SP3: variants seen among roughly 807,000 people sequenced by gnomAD.
The protein encoded by SP3 is transcription factor Sp3.
In SP3, 10 loss-of-function variants were observed where a neutral mutation model predicts 70.3. The observed-to-expected ratio is 0.14, with a 90% CI of 0.09 to 0.24. SP3 has a LOEUF of 0.24. Among genes scored for constraint, SP3 ranks in the 10% least tolerant of loss-of-function variants. The probability of loss-of-function intolerance (pLI) is 1.00; values close to 1 mark genes in which losing one functional copy is unlikely to be tolerated. For missense variants in SP3, 825 were observed against 914.6 expected, an observed-to-expected ratio of 0.90 and a Z score of 1.26; for synonymous variants, 402 against 333.5, an observed-to-expected ratio of 1.21 and a Z score of -2.24.
At chr2:173,926,809 T>C (rs573877699) in intron 4 of SP3, among the ~76,000 whole-genome samples, 2 of 152,324 alleles carry the variant, frequency 1.3e-5, no homozygotes, top group South Asian at 4.1e-4. Flanking sequence ...CTTAAAATAT[T>C]CTAAAAAAAA....
At chr2:173,943,728 T>TA (rs1378953809) in intron 4 of SP3, among the ~76,000 whole-genome samples, 1 of 152,242 alleles carries the variant, frequency 6.6e-6, no homozygotes. Context: ...AAGAGGGACT[T>TA]AGTCTTTTTC....
chr2:173,939,764 C>CATAAAAAAAAAAAAAAAAAAAAAAAAA (rs1690308927), intron 4 of SP3, among the ~76,000 whole-genome samples: 1 of 70,194 alleles, frequency 1.4e-5, no homozygotes, highest in Non-Finnish European at 2.5e-5. Context: ...GACTCCAACT[C>CATAAAAAAAAAAAAAAAAAAAAAAAAA]AAAAAAAAAA....
intron 4 of SP3, among the ~76,000 whole-genome samples, chr2:173,934,776 G>C (rs1690166531): frequency 6.6e-6 from 1 of 151,906 alleles, no homozygotes; most frequent in Non-Finnish European, 1.5e-5. Context: ...TTACCTTCAA[G>C]GTCAAAAGCT....
chr2:173,908,187 A>G lies in SP3; in HGVS notation c.*1754T>C, dbSNP rs1689381630. 1 of 152,150 alleles carries G rather than the reference A, an allele frequency of 6.6e-6. No individual in the cohort carries two copies. The highest frequency in any genetic ancestry group is 1.5e-5 in the Non-Finnish European group (1 of 67,958). 9.4% of individuals were successfully genotyped at this position (152,150 alleles called of 1,614,324 possible). A position where few individuals can be genotyped will look rare whatever the true frequency, so the allele number is the denominator to read the frequency against. On this transcript the variant is annotated 3_prime_UTR_variant, in exon 7 of 7. Transcript: ENST00000310015. ...TTATCATTTTCAGGAGTCTTAATGTAAATTCAGGTTTTCGATAAATCAAAA... is the reference window on the plus strand; with the variant it reads ...TTATCATTTTCAGGAGTCTTAATGTGAATTCAGGTTTTCGATAAATCAAAA...
chr2:173,927,741 TTGTG>T (rs1689956042), intron 4 of SP3, among the ~76,000 whole-genome samples: 1 of 152,228 alleles, frequency 6.6e-6, no homozygotes, highest in South Asian at 2.1e-4. Context: ...TTTCAATTAT[TTGTG>T]TATCGCTTTA....
At position 173,923,866 on chromosome 2, in the gene SP3, A is replaced by G. The variant is rs80304063; in HGVS notation, c.1640-5081T>C. 6.1e-3 allele frequency among the ~76,000 whole-genome samples: 930 copies of G among 152,132 alleles called. 7 individuals are homozygous for G. The highest frequency in any genetic ancestry group is 0.02 in the African/African-American group (823 of 41,542). On this transcript the variant is annotated intron_variant, in intron 4 of 6. Transcript: ENST00000310015. ...AAAAATCATCTAACAGAACCACCGG[A>G]TAATCCTACAATATCTCATGTATTA... is the stretch of plus-strand genomic sequence containing the variant.
At chr2:173,948,475 C>T (rs993414038) in intron 4 of SP3, among the ~76,000 whole-genome samples, 1 of 152,102 alleles carries the variant, frequency 6.6e-6, no homozygotes, top group Non-Finnish European at 1.5e-5. Flanking sequence ...GTTTGGTACT[C>T]CCTGAGGTTT....
Position 173,901,373 on chromosome 2 carries a change from T to C in SP3, c.*8568A>G, listed in dbSNP as rs1014432956. Among the ~76,000 whole-genome samples the C allele has an allele frequency of 1.3e-5, 2 of 151,986 alleles. No homozygotes were observed. The highest frequency in any genetic ancestry group is 2.9e-5 in the Non-Finnish European group (2 of 68,002). On this transcript the variant is annotated 3_prime_UTR_variant, in exon 7 of 7. Transcript: ENST00000310015. Reference sequence around the variant, plus strand: ...AGCCTTAGACTGAGAAAAGATACTATCAGCCTATATATCTCTAAAATATAT... The same window carrying C: ...AGCCTTAGACTGAGAAAAGATACTACCAGCCTATATATCTCTAAAATATAT...
In SP3 at chr2:173,901,136, A is replaced by C. The variant is rs1346809744; in HGVS notation, c.*8805T>G. Among the ~76,000 whole-genome samples the C allele has an allele frequency of 6.6e-6, 1 of 152,204 alleles. No homozygotes were observed. The highest frequency in any genetic ancestry group is 1.5e-5 in the Non-Finnish European group (1 of 68,042). ...AAACTGCTAAGACAACTGATTATCC[A>C]TATGGAAAATAATGGACTTTATGCC... is the stretch of plus-strand genomic sequence containing the variant. On this transcript the variant is annotated 3_prime_UTR_variant, in exon 7 of 7. Coordinates refer to ENST00000310015, the MANE Select transcript of SP3 (RefSeq NM_003111.5).
At chr2:173,942,540 T>C (rs59492166) in intron 4 of SP3, among the ~76,000 whole-genome samples, 2,477 of 152,298 alleles carry the variant, frequency 0.016, 74 homozygotes, top group African/African-American at 0.057. Context: ...CACTCCAGTC[T>C]GGGTGACTGG....
At chr2:173,920,952 T>C (rs1347397069) in intron 4 of SP3, among the ~76,000 whole-genome samples, 1 of 152,286 alleles carries the variant, frequency 6.6e-6, no homozygotes, top group East Asian at 1.9e-4. Context: ...GAGTGGTGAC[T>C]GCCTACTTTT....
rs201774134 is a variant in SP3 at position 173,965,172 on chromosome 2, A to G, written c.-1T>C. The G allele has an allele frequency of 2.6e-6, 4 of 1,546,592 alleles. No homozygotes were observed. In the East Asian group the frequency reaches 7.4e-5, roughly 29 times the overall value. On this transcript the variant is annotated 5_prime_UTR_variant, in exon 1 of 7. Transcript: ENST00000310015. ...TCTCTCGGCTTTACGTACCGGTCAT[A>G]GTGTGTTTAGGGCACCTCAGGCGGG...
chr2:173,914,890 C>T (rs1394732647), intron 5 of SP3: 1 of 152,048 alleles, frequency 6.6e-6, no homozygotes, highest in Non-Finnish European at 1.5e-5. Flanking sequence ...CTAAGAAAAA[C>T]AGCAATGTTT....
chr2:173,918,756 G>C lies in SP3; in HGVS notation c.1669C>G (p.Pro557Ala), dbSNP rs891083393. Reference sequence around the variant, plus strand: ...TCACCACTGAGCTGCCACTCTTCAGGATCAGGTTCTTCTTCCTTGATCCTA... The same window carrying C: ...TCACCACTGAGCTGCCACTCTTCAGCATCAGGTTCTTCTTCCTTGATCCTA... ...DIRIKEEEPD[P>A]EEWQLSGDST... The change falls in exon 5 of 7, where the codon CCT becomes GCT. Residue 557 changes from proline to alanine, a missense_variant. Pro to Ala is a conservative substitution (Grantham distance 27). Transcript: ENST00000310015. The C allele has an allele frequency of 3.1e-6, 5 of 1,612,236 alleles. No individual in the cohort carries two copies. Among genetic ancestry groups the C allele is most frequent in the Non-Finnish European group, 4.2e-6 (5 of 1,179,144 alleles).
chr2:173,910,302 T>G (rs1461204113), intron 6 of SP3, 45 bp from the exon 7 acceptor site: 15 of 1,547,114 alleles, frequency 9.7e-6, no homozygotes, highest in Non-Finnish European at 1.3e-5. Context: ...AAATTCAACT[T>G]TAATAGCTCA....
At chr2:173,956,886 T>C (rs1336207289) in intron 3 of SP3, among the ~76,000 whole-genome samples, 2 of 152,196 alleles carry the variant, frequency 1.3e-5, no homozygotes, top group Non-Finnish European at 2.9e-5. Context: ...GGATACACAC[T>C]GTGACTTTAC....
intron 4 of SP3, among the ~76,000 whole-genome samples, chr2:173,950,444 C>G (rs1690678515): frequency 1.3e-5 from 2 of 151,960 alleles, no homozygotes; most frequent in Non-Finnish European, 1.5e-5. Context: ...TTTGGGAGGC[C>G]AAGGCAAAAG....
chr2:173,956,447 A>G (rs1293373617), intron 3 of SP3, among the ~76,000 whole-genome samples: 1 of 152,122 alleles, frequency 6.6e-6, no homozygotes, highest in Non-Finnish European at 1.5e-5. Context: ...TGAGTGGGAT[A>G]AAAAAAATTC....
Position 173,908,532 on chromosome 2 carries a change from A to G in SP3, c.*1409T>C, listed in dbSNP as rs1400324990. The G allele has an allele frequency of 6.6e-6, 1 of 152,432 alleles. No homozygotes were observed. The highest frequency in any genetic ancestry group is 2.4e-5 in the African/African-American group (1 of 41,442). 9.4% of individuals were successfully genotyped at this position (152,432 alleles called of 1,614,324 possible). On this transcript the variant is annotated 3_prime_UTR_variant, in exon 7 of 7. Coordinates refer to ENST00000310015, the MANE Select transcript of SP3 (RefSeq NM_003111.5). ...TTATGCATAGGAATACAACAAACTC[A>G]AAAGAAAAAAAAATAGTGTTTTATT...
Sources: gnomAD v4.1 joint callset for allele counts (sites outside exome capture counted in the v4.1 genomes callset) on GRCh38, gnomAD v4.1.1 for gene constraint, MANE v1.5 for transcripts, NCBI Gene and HGNC (gene_info 2026-07-23, HGNC 2026-07-21) for gene names.